The following MYO16 variants were observed in gnomAD, a reference collection of about 807,000 sequenced individuals.
MYO16 encodes the protein unconventional myosin-XVI.
A neutral mutation model predicts 205.3 loss-of-function variants in MYO16; 94 were observed. The ratio of observed to expected loss-of-function variants is 0.46; its 90% CI spans 0.39 to 0.54. The LOEUF (loss-of-function observed/expected upper bound fraction) is 0.54. Ranked by LOEUF, MYO16 falls within the 20% of genes least tolerant of loss-of-function variation. The pLI, the probability that MYO16 is intolerant of heterozygous loss-of-function variation, is 0.00. For missense variants in MYO16, 2,315 were observed against 2,387.5 expected (o/e 0.97, Z 0.63); for synonymous variants, 988 against 954.0 (o/e 1.04, Z -0.66).
intron 32 of MYO16, among the ~76,000 whole-genome samples, chr13:109,156,210 AT>A (rs1230728879): frequency 6.6e-6 from 1 of 152,212 alleles, no homozygotes; most frequent in East Asian, 1.9e-4. Context: ...TTGTATCCAA[AT>A]TTAATTACGC....
intron 9 of MYO16, among the ~76,000 whole-genome samples, chr13:108,840,066 A>C (rs904000351): frequency 6.6e-6 from 1 of 152,184 alleles, no homozygotes; most frequent in African/African-American, 2.4e-5. Context: ...AACTCACCCA[A>C]ACTGGTAGAA....
At chr13:108,990,488 A>G (rs1566448493) in intron 20 of MYO16, among the ~76,000 whole-genome samples, 1 of 151,764 alleles carries the variant, frequency 6.6e-6, no homozygotes, top group Non-Finnish European at 1.5e-5. Flanking sequence ...TAAAACACTT[A>G]TTTTGAGGTT....
At chr13:109,017,760 G>A (rs571060294) in intron 22 of MYO16, among the ~76,000 whole-genome samples, 41 of 152,146 alleles carry the variant, frequency 2.7e-4, no homozygotes, top group Non-Finnish European at 5.1e-4. Flanking sequence ...TGAATCAGCT[G>A]TTGAAGCTTG....
rs55649485 is a variant in MYO16 at position 109,125,669 on chromosome 13, A to G, written c.3782+311A>G. Among the ~76,000 whole-genome samples the G allele has an allele frequency of 0.027, 4,157 of 152,326 alleles. 102 individuals are homozygous for G. Among genetic ancestry groups the G allele is most frequent in the Non-Finnish European group, 0.043 (2,937 of 68,026 alleles). On this transcript the variant is annotated intron_variant, in intron 30 of 34. Transcript: ENST00000457511. The surrounding 1 kb of genome is among the most constrained non-coding windows in gnomAD (Gnocchi z 4.0). ...AAGCATTTACTGTTTCTGTATTAGC[A>G]AAAATATATAGCTTGGCTGTTGACA...
At chr13:108,524,226 G>A in the MYO16 span, among the ~76,000 whole-genome samples, 1 of 151,884 alleles carries the variant, frequency 6.6e-6, no homozygotes, top group Non-Finnish European at 1.5e-5. Context: ...CTTGAACCTG[G>A]GAAGCAGAGG....
rs367697816 is a variant in MYO16, at chr13:109,125,324, G to C, written c.3748G>C (p.Glu1250Gln). 7 of 1,614,040 alleles carry C rather than the reference G, an allele frequency of 4.3e-6. No homozygotes were observed. The African/African-American group carries it at 9.3e-5, about 22-fold the overall frequency. The change falls in exon 30 of 35, where the codon GAG becomes CAG. Residue 1250 changes from glutamate to glutamine, a missense_variant. Glu to Gln is a conservative substitution (Grantham distance 29). Coordinates refer to ENST00000457511, the MANE Select transcript of MYO16 (RefSeq NM_001198950.3). The surrounding 1 kb of genome is among the most constrained non-coding windows in gnomAD (Gnocchi z 4.0). ...MNAPYHKEKL[E>Q]VRNMQEEGSK... ...CGCTCCCTACCATAAAGAGAAGTTA[G>C]AGGTCAGGAACATGCAAGAGGAAGG...
At chr13:108,553,005 CTTTTTTTTTTTTTT>C in the MYO16 span, among the ~76,000 whole-genome samples, 18 of 64,850 alleles carry the variant, frequency 2.8e-4, no homozygotes, top group South Asian at 4.2e-3. Flanking sequence ...CTTTAATACT[CTTTTTTTTTTTTTT>C]TTTTTTTTTT....
chr13:108,548,801 CT>C, the MYO16 span, among the ~76,000 whole-genome samples: 2 of 152,002 alleles, frequency 1.3e-5, no homozygotes, highest in Non-Finnish European at 2.9e-5. Context: ...ATAGGGTTTG[CT>C]AAGAATTCAT....
At chr13:108,681,125 C>T (rs1341340515) in intron 2 of MYO16, among the ~76,000 whole-genome samples, 1 of 152,190 alleles carries the variant, frequency 6.6e-6, no homozygotes, top group Non-Finnish European at 1.5e-5. Context: ...ATGTGTTTTT[C>T]CACACACCCA....
intron 10 of MYO16, among the ~76,000 whole-genome samples, chr13:108,847,078 A>G (rs1220421880): frequency 6.6e-6 from 1 of 152,226 alleles, no homozygotes; most frequent in Admixed American, 6.5e-5. Context: ...CCCTCTGTGG[A>G]GTTAAAACAA....
chr13:108,738,452 T>G (rs1396849552), intron 4 of MYO16, among the ~76,000 whole-genome samples: 3 of 152,158 alleles, frequency 2.0e-5, no homozygotes, highest in Non-Finnish European at 4.4e-5. Context: ...CGGTTTTGAG[T>G]GAGTTTCTCA....
chr13:109,201,746 A>T (rs774146096), intron 34 of MYO16, among the ~76,000 whole-genome samples: 1 of 151,994 alleles, frequency 6.6e-6, no homozygotes, highest in Non-Finnish European at 1.5e-5. Flanking sequence ...TTTATCCATC[A>T]TGCCCTCCCA....
the MYO16 span, among the ~76,000 whole-genome samples, chr13:108,572,183 T>TC: frequency 1.3e-5 from 2 of 152,122 alleles, no homozygotes; most frequent in Non-Finnish European, 1.5e-5. Flanking sequence ...TGCCTTGGCC[T>TC]CCCAAACTGC....
chr13:108,950,528 A>C (rs1267217225), intron 16 of MYO16, among the ~76,000 whole-genome samples: 1 of 152,156 alleles, frequency 6.6e-6, no homozygotes, highest in Admixed American at 6.5e-5. Flanking sequence ...TCATGAAAAA[A>C]CATTGTGACA....
chr13:108,602,785 G>T (rs1266421856), intron 1 of MYO16, among the ~76,000 whole-genome samples: 1 of 152,080 alleles, frequency 6.6e-6, no homozygotes, highest in Non-Finnish European at 1.5e-5. Flanking sequence ...TACCACCAAT[G>T]GAATCCATTT....
At chr13:109,032,268 C>T (rs1886569596) in intron 23 of MYO16, among the ~76,000 whole-genome samples, 1 of 152,152 alleles carries the variant, frequency 6.6e-6, no homozygotes, top group Non-Finnish European at 1.5e-5. Context: ...AGATGAAGCC[C>T]TACCACCATA....
At chr13:109,158,684 G>T (rs989475708) in intron 32 of MYO16, among the ~76,000 whole-genome samples, 2 of 152,052 alleles carry the variant, frequency 1.3e-5, no homozygotes, top group Non-Finnish European at 2.9e-5. Flanking sequence ...TTTGGTTTTT[G>T]TCCAGAGATT....
At chr13:108,730,234 C>T (rs1884478106) in intron 4 of MYO16, among the ~76,000 whole-genome samples, 1 of 152,164 alleles carries the variant, frequency 6.6e-6, no homozygotes, top group African/African-American at 2.4e-5. Context: ...CCTATGGTTT[C>T]ATAAGGGGCT....
chr13:108,539,542 G>C, the MYO16 span, among the ~76,000 whole-genome samples: 6 of 152,248 alleles, frequency 3.9e-5, no homozygotes, highest in Non-Finnish European at 8.8e-5. Context: ...AATAACTTAC[G>C]ATCTGCTAAA....
Sources: gnomAD v4.1 joint callset for allele counts (sites outside exome capture counted in the v4.1 genomes callset) on GRCh38, gnomAD v4.1.1 for gene constraint, Gnocchi (gnomAD v3.1) non-coding constraint, MANE v1.5 for transcripts, NCBI Gene and HGNC (gene_info 2026-07-23, HGNC 2026-07-21) for gene names.